The following CWH43 variants were observed in gnomAD, a reference collection of about 807,000 sequenced individuals.
CWH43 encodes PGAP2-interacting protein.
In CWH43, 91 loss-of-function variants were observed where a neutral mutation model predicts 85.7. The observed-to-expected ratio is 1.06, with a 90% CI of 0.90 to 1.26. The LOEUF (loss-of-function observed/expected upper bound fraction) is 1.26. Ranked by LOEUF, CWH43 falls within the 50% of genes most tolerant of loss-of-function variation. The pLI, the probability that CWH43 is intolerant of heterozygous loss-of-function variation, is 0.00. For synonymous variants in CWH43, 323 were observed against 293.6 expected (o/e 1.10, Z -1.02); for missense variants, 869 against 839.2 (o/e 1.04, Z -0.44).
At chr4:49,015,701 C>T (rs1783522316) in intron 8 of CWH43, among the ~76,000 whole-genome samples, 1 of 151,974 alleles carries the variant, frequency 6.6e-6, no homozygotes, top group Admixed American at 6.6e-5. Flanking sequence ...TTCTGTTTTC[C>T]ATTGCTGTTA....
In CWH43 at chr4:48,991,302, C is replaced by T. The variant is rs568545025; in HGVS notation, c.236-152C>T. 3.1e-4 allele frequency: 223 copies of T among 709,340 alleles called. No homozygotes were observed. In the African/African-American group the frequency reaches 3.9e-3, roughly 12 times the overall value. 43.9% of individuals were successfully genotyped at this position (709,340 alleles called of 1,614,324 possible). A position where few individuals can be genotyped will look rare whatever the true frequency, so the allele number is the denominator to read the frequency against. The stretch of plus-strand genomic sequence containing the variant: ...CTTTTATGATATGTGAATTGTATTT[C>T]AATAAAAATTTTAAATACATATATA... On this transcript the variant is annotated intron_variant, in intron 2 of 15. Transcript: ENST00000226432.
chr4:49,021,473 A>T (rs527480850), intron 9 of CWH43, among the ~76,000 whole-genome samples: 1 of 152,150 alleles, frequency 6.6e-6, no homozygotes, highest in Admixed American at 6.5e-5. Flanking sequence ...TGTATTTTGA[A>T]GTTGGATAAT....
At chr4:49,030,645 G>A (rs1168078173) in intron 10 of CWH43, among the ~76,000 whole-genome samples, 180 bp from the exon 11 acceptor site, 1 of 152,106 alleles carries the variant, frequency 6.6e-6, no homozygotes, top group Non-Finnish European at 1.5e-5. Flanking sequence ...TCTAAACGTG[G>A]GGAAATTCCT....
intron 7 of CWH43, among the ~76,000 whole-genome samples, chr4:49,005,691 C>G (rs1345246569): frequency 6.6e-6 from 1 of 151,748 alleles, no homozygotes. Context: ...CAGGCACACA[C>G]CACCATGCCT....
At chr4:49,031,035 G>T in intron 11 of CWH43, 75 bp downstream of exon 11, 3 of 1,364,370 alleles carry the variant, frequency 2.2e-6, no homozygotes, top group Non-Finnish European at 2.9e-6. Flanking sequence ...GTGGCAAGTT[G>T]ATATTGTAAT....
intron 8 of CWH43, among the ~76,000 whole-genome samples, chr4:49,010,985 A>T (rs866753785): frequency 3.9e-5 from 6 of 152,164 alleles, no homozygotes; most frequent in African/African-American, 1.4e-4. Flanking sequence ...GTAGATGTCT[A>T]TTAGTTCCGC....
intron 13 of CWH43, among the ~76,000 whole-genome samples, chr4:49,040,000 G>T (rs1345394237): frequency 6.6e-6 from 1 of 151,992 alleles, no homozygotes; most frequent in Non-Finnish European, 1.5e-5. Flanking sequence ...GCGGTGTTTG[G>T]TTTTTTCTCC....
chr4:49,042,825 A>G (rs1169432448), intron 13 of CWH43, among the ~76,000 whole-genome samples: 1 of 152,210 alleles, frequency 6.6e-6, no homozygotes, highest in East Asian at 1.9e-4. Context: ...CAGAGACTGT[A>G]TCAGTTATTT....
intron 8 of CWH43, among the ~76,000 whole-genome samples, chr4:49,009,138 T>C (rs575293128): frequency 1.6e-4 from 24 of 152,206 alleles, no homozygotes; most frequent in African/African-American, 5.3e-4. Context: ...GTTTGTGTCC[T>C]CTTTTATTTC....
chr4:49,044,594 C>T (rs759985814), intron 13 of CWH43, among the ~76,000 whole-genome samples, 192 bp from the exon 14 acceptor site: 15 of 152,054 alleles, frequency 9.9e-5, no homozygotes, highest in East Asian at 1.9e-4. Flanking sequence ...GCTAGATAGG[C>T]GCACAGTAGG....
At chr4:48,988,738 T>C (rs1313720742) in intron 2 of CWH43, 70 bp downstream of exon 2, 19 of 883,206 alleles carry the variant, frequency 2.2e-5, no homozygotes, top group Non-Finnish European at 2.3e-5. Flanking sequence ...ATGTAGACTG[T>C]TCTTTGAATA....
intron 15 of CWH43, among the ~76,000 whole-genome samples, chr4:49,057,542 C>G (rs2109850446): frequency 6.6e-6 from 1 of 152,248 alleles, no homozygotes; most frequent in Non-Finnish European, 1.5e-5. Flanking sequence ...TTTGGGGTCC[C>G]AAGATTTATT....
At chr4:49,031,064 C>G in intron 11 of CWH43, 104 bp downstream of exon 11, 1 of 1,096,822 alleles carries the variant, frequency 9.1e-7, no homozygotes, top group African/African-American at 1.6e-5. Context: ...TGAATGTGCC[C>G]CAGTGATGCT....
intron 9 of CWH43, among the ~76,000 whole-genome samples, chr4:49,018,393 C>A (rs916097031): frequency 2.0e-5 from 3 of 151,956 alleles, no homozygotes; most frequent in African/African-American, 7.2e-5. Context: ...ATGAAATAAG[C>A]AACTGTTTTA....
chr4:49,043,400 C>T (rs1316648646), intron 13 of CWH43, among the ~76,000 whole-genome samples: 6 of 152,072 alleles, frequency 3.9e-5, no homozygotes, highest in Admixed American at 3.3e-4. Flanking sequence ...TGCATGTGCA[C>T]GTGAGTGTGT....
intron 7 of CWH43, among the ~76,000 whole-genome samples, chr4:49,006,535 T>C (rs528699871): frequency 2.0e-5 from 3 of 152,358 alleles, no homozygotes; most frequent in African/African-American, 7.2e-5. Flanking sequence ...CTTCTGACTT[T>C]TACTTGACAT....
rs193131032 is a variant in CWH43, at chr4:49,056,463, G to T, written c.2022-5349G>T. 2.9e-3 allele frequency among the ~76,000 whole-genome samples: 438 copies of T among 152,042 alleles called. 2 individuals carry two copies. Among genetic ancestry groups the T allele is most frequent in the African/African-American group, 9.8e-3 (406 of 41,494 alleles). On this transcript the variant is annotated intron_variant, in intron 15 of 15. Transcript: ENST00000226432. ...CTATCCAATTTTTTGGCATATTATT[G>T]CTCATAGTAGTCACTTATGATTATT...
rs184009054 is a variant in CWH43 at position 48,994,655 on chromosome 4, G to A, written c.548G>A (p.Gly183Asp). 21 of 1,614,124 alleles carry A rather than the reference G, an allele frequency of 1.3e-5. No individual in the cohort carries two copies. The Admixed American group carries it at 2.5e-4, about 19-fold the overall frequency. Reference protein sequence around the residue: ...DCSKPEEKKTGEVATGMASRP... With the variant: ...DCSKPEEKKTDEVATGMASRP... ...AGTAAACCTGAAGAAAAGAAGACTG[G>A]TGAGGTAGCCACGGGGATGGCCTCT... The change falls in exon 5 of 16, where the codon GGT becomes GAT. Residue 183 changes from glycine (G) to aspartate (D), a missense_variant. Around this residue, in one of 3 missense-constraint regions of CWH43, gnomAD observed 152 missense variants for 203.6 expected, o/e 0.75. Coordinates refer to ENST00000226432, the MANE Select transcript of CWH43 (RefSeq NM_025087.3).
chr4:49,060,369 G>T (rs1404303912), intron 15 of CWH43, among the ~76,000 whole-genome samples: 1 of 152,094 alleles, frequency 6.6e-6, no homozygotes, highest in South Asian at 2.1e-4. Context: ...CGAAACTGAT[G>T]CCAGTCTGGA....
Sources: gnomAD v4.1 joint callset for allele counts (sites outside exome capture counted in the v4.1 genomes callset) on GRCh38, gnomAD v4.1.1 for gene constraint, gnomAD v4.1.1 regional missense constraint, MANE v1.5 for transcripts, NCBI Gene and HGNC (gene_info 2026-07-23, HGNC 2026-07-21) for gene names.